Variants in DCAF1 observed in about 807,000 individuals in gnomAD.
DCAF1 encodes DDB1- and CUL4-associated factor 1.
A neutral mutation model predicts 128.0 loss-of-function variants in DCAF1; 15 were observed. The ratio of observed to expected loss-of-function variants is 0.12; its 90% CI spans 0.08 to 0.18. The LOEUF is 0.18. Among genes scored for constraint, DCAF1 ranks in the 10% least tolerant of loss-of-function variants. The pLI is 1.00. For missense variants in DCAF1, 988 were observed against 1,649.5 expected (o/e 0.60, Z 6.95); for synonymous variants, 610 against 603.0 (o/e 1.01, Z -0.17).
chr3:51,483,320 A>G (rs1300536062), intron 3 of DCAF1, among the ~76,000 whole-genome samples: 5 of 151,588 alleles, frequency 3.3e-5, no homozygotes, highest in African/African-American at 1.2e-4. Context: ...GGAGCCTGTA[A>G]TCCCAGCTAC....
chr3:51,412,354 G>C lies in DCAF1; in HGVS notation c.4212+25C>G, dbSNP rs1553628695. 6 of 1,613,492 alleles carry C rather than the reference G, an allele frequency of 3.7e-6. No individual in the cohort carries two copies. The South Asian group carries it at 4.4e-5, about 12-fold the overall frequency. ...AACCTCTATTAAGCACTGTTCAGCA[G>C]AAAGAAATCTCAAAGACCACTGACC... is the stretch of plus-strand genomic sequence containing the variant. On this transcript the variant is annotated intron_variant, in intron 23 of 24. Transcript: ENST00000684031.
chr3:51,424,329 G>A (rs1338413055), intron 13 of DCAF1, among the ~76,000 whole-genome samples: 1 of 151,878 alleles, frequency 6.6e-6, no homozygotes, highest in African/African-American at 2.4e-5. Context: ...GAACCCAGGA[G>A]GCGGAGGTTG....
At chr3:51,486,844 GGCTGGTCTC>G (rs1224344278) in intron 2 of DCAF1, among the ~76,000 whole-genome samples, 2 of 152,086 alleles carry the variant, frequency 1.3e-5, no homozygotes, top group Non-Finnish European at 2.9e-5. Flanking sequence ...ATATTGGCCA[GGCTGGTCTC>G]GAACTCCTGA....
At chr3:51,408,881 C>G (rs1246577907) in intron 23 of DCAF1, among the ~76,000 whole-genome samples, 1 of 152,122 alleles carries the variant, frequency 6.6e-6, no homozygotes, top group Non-Finnish European at 1.5e-5. Context: ...GTGAAACATG[C>G]CTAGATCCTA....
intron 24 of DCAF1, among the ~76,000 whole-genome samples, chr3:51,400,753 G>C (rs1460041119): frequency 6.6e-6 from 1 of 152,024 alleles, no homozygotes; most frequent in African/African-American, 2.4e-5. Flanking sequence ...AGACAATCTA[G>C]GTATAATTAA....
At chr3:51,487,903 C>T (rs1015302060) in intron 2 of DCAF1, among the ~76,000 whole-genome samples, 4 of 151,962 alleles carry the variant, frequency 2.6e-5, no homozygotes, top group African/African-American at 7.2e-5. Flanking sequence ...CTTGCTCTGT[C>T]GCCCAGACTG....
chr3:51,498,378 A>AG, intron 1 of DCAF1, among the ~76,000 whole-genome samples: 1 of 140,030 alleles, frequency 7.1e-6, no homozygotes, highest in Admixed American at 6.9e-5. Flanking sequence ...AGAAAAAAGA[A>AG]AAAAAAAAAA....
At chr3:51,400,267 T>C (rs2089561124) in intron 24 of DCAF1, among the ~76,000 whole-genome samples, 1 of 152,144 alleles carries the variant, frequency 6.6e-6, no homozygotes, top group Non-Finnish European at 1.5e-5. Context: ...GGAGGAAGTG[T>C]CACAGGAGGG....
At chr3:51,417,931 A>G (rs1366224798) in intron 17 of DCAF1, among the ~76,000 whole-genome samples, 185 bp downstream of exon 17, 2 of 152,168 alleles carry the variant, frequency 1.3e-5, no homozygotes, top group Admixed American at 6.6e-5. Context: ...ATACCTCATA[A>G]AAGTATCTAG....
At chr3:51,477,392 G>C (rs961561275) in intron 3 of DCAF1, among the ~76,000 whole-genome samples, 1 of 151,340 alleles carries the variant, frequency 6.6e-6, no homozygotes, top group East Asian at 1.9e-4. Context: ...TGGTGAAGGA[G>C]GGAAGTTACC....
At chr3:51,502,290 A>G (rs1214896358), upstream of DCAF1, among the ~76,000 whole-genome samples, 1 of 152,172 alleles carries the variant, frequency 6.6e-6, no homozygotes, top group Non-Finnish European at 1.5e-5. Flanking sequence ...CTGTAATCCC[A>G]GCACTTTGAG....
chr3:51,447,066 A>G (rs1287929243), intron 6 of DCAF1, among the ~76,000 whole-genome samples: 2 of 151,858 alleles, frequency 1.3e-5, no homozygotes, highest in Non-Finnish European at 2.9e-5. Flanking sequence ...AAAAGTCATC[A>G]GCTCATTCTC....
At chr3:51,396,607 C>G (rs2089222654), downstream of DCAF1, 2 of 167,240 alleles carry the variant, frequency 1.2e-5, no homozygotes, top group South Asian at 4.1e-4. Flanking sequence ...TGGTGTGCCA[C>G]TGTTCTCATG....
intron 6 of DCAF1, among the ~76,000 whole-genome samples, chr3:51,448,750 T>G (rs1480211758): frequency 6.6e-6 from 1 of 152,174 alleles, no homozygotes; most frequent in Non-Finnish European, 1.5e-5. Flanking sequence ...CCCCTCACTT[T>G]CAATTACGAT....
intron 13 of DCAF1, among the ~76,000 whole-genome samples, chr3:51,425,013 G>A (rs1160353816): frequency 6.6e-6 from 1 of 152,116 alleles, no homozygotes; most frequent in African/African-American, 2.4e-5. Context: ...AGATGAATTT[G>A]ATTAAAAGTA....
At chr3:51,402,242 C>CCTT (rs2089756843) in intron 24 of DCAF1, among the ~76,000 whole-genome samples, 1 of 152,100 alleles carries the variant, frequency 6.6e-6, no homozygotes, top group Non-Finnish European at 1.5e-5. Flanking sequence ...AGGGATTAGC[C>CCTT]AAAGGGAGAC....
chr3:51,414,252 C>T (rs898520509), intron 19 of DCAF1, among the ~76,000 whole-genome samples: 15 of 152,172 alleles, frequency 9.9e-5, no homozygotes, highest in African/African-American at 3.6e-4. Flanking sequence ...TACAGGAATG[C>T]TTTATGAGCT....
intron 23 of DCAF1, among the ~76,000 whole-genome samples, chr3:51,409,238 T>C (rs1227713315): frequency 6.6e-6 from 1 of 152,128 alleles, no homozygotes. Flanking sequence ...GGAGTATAAC[T>C]CTTAAATTAT....
At chr3:51,451,274 T>A (rs1383994160) in intron 6 of DCAF1, among the ~76,000 whole-genome samples, 1 of 150,796 alleles carries the variant, frequency 6.6e-6, no homozygotes, top group Non-Finnish European at 1.5e-5. Context: ...TATTTACAGA[T>A]GGGGTCTCAC....
Sources: gnomAD v4.1 joint callset for allele counts (sites outside exome capture counted in the v4.1 genomes callset) on GRCh38, gnomAD v4.1.1 for gene constraint, MANE v1.5 for transcripts, NCBI Gene and HGNC (gene_info 2026-07-23, HGNC 2026-07-21) for gene names.